Variants in XPOT observed in about 807,000 individuals in gnomAD.
The protein encoded by XPOT is exportin-T.
XPOT carries 34 observed loss-of-function variants against 128.2 expected under a neutral mutation model. The observed-to-expected ratio is 0.27, with a 90% CI of 0.20 to 0.35. XPOT has a LOEUF of 0.35. Among genes scored for constraint, XPOT ranks in the 10% least tolerant of loss-of-function variants. The pLI is 1.00. For missense variants in XPOT, 838 were observed against 1,125.3 expected, an observed-to-expected ratio of 0.74 and a Z score of 3.65; for synonymous variants, 348 against 394.3, an observed-to-expected ratio of 0.88 and a Z score of 1.39.
At chr12:64,422,037 C>G (rs1014297893) in intron 9 of XPOT, among the ~76,000 whole-genome samples, 2 of 152,046 alleles carry the variant, frequency 1.3e-5, no homozygotes, top group Admixed American at 1.3e-4. Flanking sequence ...CTTGAACTCC[C>G]TACCTCAGGT....
chr12:64,439,113 T>C (rs1455230312), intron 22 of XPOT, 131 bp from the exon 23 acceptor site: 1 of 763,484 alleles, frequency 1.3e-6, no homozygotes, highest in African/African-American at 1.8e-5. Context: ...ACCAAGGCAG[T>C]CTGGCTCTCG....
intron 23 of XPOT, 93 bp downstream of exon 23, chr12:64,439,408 T>G (rs1249362630): frequency 1.7e-6 from 2 of 1,155,656 alleles, no homozygotes; most frequent in African/African-American, 1.6e-5. Flanking sequence ...CAAAAATATT[T>G]TCATATTACA....
intron 7 of XPOT, 43 bp from the exon 8 acceptor site, chr12:64,420,310 T>A: frequency 6.2e-7 from 1 of 1,601,202 alleles, no homozygotes; most frequent in Non-Finnish European, 8.5e-7. Context: ...TATCTAAAAC[T>A]CATGACTTTG....
chr12:64,448,062 T>C lies in XPOT; in HGVS notation c.2863-43T>C, dbSNP rs750455469. The C allele has an allele frequency of 7.0e-6, 11 of 1,581,624 alleles. No individual in the cohort carries two copies. In the South Asian group the frequency reaches 1.1e-4, roughly 16 times the overall value. Reference sequence around the variant, plus strand: ...AGCCATTCTTCAGGTGAAAGTGATATCTTCTGACATTAGTATTGATTGCAT... The same window carrying C: ...AGCCATTCTTCAGGTGAAAGTGATACCTTCTGACATTAGTATTGATTGCAT... On this transcript the variant is annotated intron_variant, in intron 24 of 24. Transcript: ENST00000332707.
intron 11 of XPOT, among the ~76,000 whole-genome samples, 181 bp from the exon 12 acceptor site, chr12:64,424,418 T>C (rs1041058876): frequency 2.0e-5 from 3 of 152,190 alleles, no homozygotes; most frequent in Admixed American, 6.5e-5. Context: ...ACAGGAGAAC[T>C]GGATATTTAC....
chr12:64,421,887 A>G (rs993826157), intron 9 of XPOT, among the ~76,000 whole-genome samples: 2 of 152,084 alleles, frequency 1.3e-5, no homozygotes, highest in African/African-American at 4.8e-5. Flanking sequence ...ATGTCAGCTC[A>G]CCACAACCTC....
At chr12:64,409,476 C>A (rs1038614104) in intron 1 of XPOT, among the ~76,000 whole-genome samples, 2 of 152,206 alleles carry the variant, frequency 1.3e-5, no homozygotes, top group African/African-American at 4.8e-5. Flanking sequence ...TGGCTCATGC[C>A]TGTAATCCCA....
intron 16 of XPOT, among the ~76,000 whole-genome samples, chr12:64,428,765 CAT>C (rs752193072): frequency 2.0e-5 from 3 of 152,134 alleles, no homozygotes; most frequent in Non-Finnish European, 4.4e-5. Context: ...ATTTGAGAAA[CAT>C]GTAAAAACAT....
At chr12:64,407,722 A>G (rs1175039471) in intron 1 of XPOT, among the ~76,000 whole-genome samples, 1 of 152,228 alleles carries the variant, frequency 6.6e-6, no homozygotes, top group Non-Finnish European at 1.5e-5. Context: ...GAGAACTGCC[A>G]TATGGTTCAC....
At chr12:64,419,340 C>T (rs1341416731) in intron 6 of XPOT, among the ~76,000 whole-genome samples, 3 of 151,914 alleles carry the variant, frequency 2.0e-5, no homozygotes, top group Admixed American at 6.6e-5. Context: ...TTTTTTGAGA[C>T]GGAGTCTTGC....
chr12:64,411,741 ACTGT>A (rs1423873050), intron 2 of XPOT, among the ~76,000 whole-genome samples: 1 of 152,104 alleles, frequency 6.6e-6, no homozygotes, highest in Non-Finnish European at 1.5e-5. Flanking sequence ...GAGAAGAATG[ACTGT>A]CTGCCAACCC....
At chr12:64,440,875 A>G (rs1308688076) in intron 23 of XPOT, among the ~76,000 whole-genome samples, 1 of 152,124 alleles carries the variant, frequency 6.6e-6, no homozygotes. Flanking sequence ...ATGGTTTGCA[A>G]ATATTTTCTC....
In XPOT at chr12:64,414,988, A is replaced by G. The variant is rs781378289; in HGVS notation, c.142A>G (p.Ser48Gly). 1 of 1,607,192 alleles carries G rather than the reference A, an allele frequency of 6.2e-7. No individual in the cohort carries two copies. Among genetic ancestry groups the G allele is most frequent in the Non-Finnish European group, 8.5e-7 (1 of 1,174,602 alleles). ...AGAAGCTCTAGCCCAGAGGACATACAGGTAATTAAAAACAAAATTTGCATG... is the reference window on the plus strand; with the variant it reads ...AGAAGCTCTAGCCCAGAGGACATACGGGTAATTAAAAACAAAATTTGCATG... Reference protein sequence around the residue: ...CAEALAQRTYSDDHVKFFCFQ... With the variant: ...CAEALAQRTYGDDHVKFFCFQ... The change falls in exon 3 of 25, where the codon AGT (serine) becomes GGT (glycine). Residue 48 changes from serine to glycine, a missense_variant and splice_region_variant. Physicochemically the swap from Ser to Gly is moderately conservative, Grantham distance 56. Transcript: ENST00000332707.
chr12:64,440,702 C>T (rs2040318022), intron 23 of XPOT, among the ~76,000 whole-genome samples: 1 of 151,898 alleles, frequency 6.6e-6, no homozygotes, highest in African/African-American at 2.4e-5. Context: ...TTGCATTTCC[C>T]TTATGATTAG....
intron 1 of XPOT, among the ~76,000 whole-genome samples, chr12:64,408,710 G>C (rs567996233): frequency 6.6e-6 from 1 of 151,850 alleles, no homozygotes; most frequent in Admixed American, 6.6e-5. Context: ...ATCTCACTCT[G>C]TTCTCCAGGC....
At chr12:64,431,331 A>C (rs2040237094) in intron 17 of XPOT, among the ~76,000 whole-genome samples, 1 of 152,188 alleles carries the variant, frequency 6.6e-6, no homozygotes, top group Non-Finnish European at 1.5e-5. Context: ...AGTTAATTTG[A>C]GCTCTTTTGT....
rs148826360 is a variant in XPOT, at chr12:64,431,666, G to A, written c.2105G>A (p.Ser702Asn). Residue 702 changes from serine (S) to asparagine (N), a missense_variant, in exon 18 of 25, where the codon AGT (serine) becomes AAT (asparagine). Ser to Asn is a conservative substitution (Grantham distance 46). Around this residue, in one of 3 missense-constraint regions of XPOT, gnomAD observed 761 missense variants for 988.3 expected, o/e 0.77. Coordinates refer to ENST00000332707, the MANE Select transcript of XPOT (RefSeq NM_007235.6). ...CCCTTACAAAAGGATATTCTCAGAA[G>A]TGGAGTCCGTACTTTCCTTCATCGA... ...SCPLQKDILR[S>N]GVRTFLHRMI... is the part of the protein sequence containing the mutation. 8 of 1,613,834 alleles carry A rather than the reference G, an allele frequency of 5.0e-6. No homozygotes were observed. In the African/African-American group the frequency reaches 9.3e-5, roughly 19 times the overall value.
chr12:64,424,572 G>C (rs202181114), intron 11 of XPOT, 27 bp from the exon 12 acceptor site: 292 of 1,608,776 alleles, frequency 1.8e-4, no homozygotes, highest in Middle Eastern at 9.1e-4. Context: ...TAAGTTTTTT[G>C]AATGAGGATT....
At chr12:64,409,391 T>A (rs191174110) in intron 1 of XPOT, among the ~76,000 whole-genome samples, 6,005 of 112,904 alleles carry the variant, frequency 0.053, 381 homozygotes, top group African/African-American at 0.19. Context: ...TATACCTTAT[T>A]AAGAAGATCT....
Sources: allele counts gnomAD v4.1 joint callset (sites outside exome capture counted in the v4.1 genomes callset), GRCh38; gene constraint gnomAD v4.1.1; regional missense constraint gnomAD v4.1.1; transcripts MANE v1.5; gene names NCBI Gene and HGNC (gene_info 2026-07-23, HGNC 2026-07-21).